Variants in BABAM2 observed in about 807,000 individuals in gnomAD.
BABAM2 encodes BRISC and BRCA1-A complex member 2.
A neutral mutation model predicts 54.7 loss-of-function variants in BABAM2; 31 were observed. The ratio of observed to expected loss-of-function variants is 0.57; its 90% confidence interval spans 0.43 to 0.77. The LOEUF (loss-of-function observed/expected upper bound fraction) is 0.77, where lower values mean the gene tolerates loss of function less well. Ranked by LOEUF, BABAM2 falls within the 30% of genes least tolerant of loss-of-function variation. The pLI is 0.00. For missense variants in BABAM2, 364 were observed against 455.8 expected, an observed-to-expected ratio of 0.80 and a Z score of 1.83; for synonymous variants, 167 against 162.9, an observed-to-expected ratio of 1.03 and a Z score of -0.19.
At chr2:28,075,580 G>A (rs73922210) in intron 6 of BABAM2, among the ~76,000 whole-genome samples, 2,223 of 151,812 alleles carry the variant, frequency 0.015, 29 homozygotes, top group Middle Eastern at 0.034. Flanking sequence ...GTGTGTGTGC[G>A]TGTGTGTGTG....
At chr2:28,200,530 A>G (rs531903978) in intron 7 of BABAM2, among the ~76,000 whole-genome samples, 43 of 152,352 alleles carry the variant, frequency 2.8e-4, no homozygotes, top group Middle Eastern at 3.4e-3. Flanking sequence ...GGTAAAGTGC[A>G]TATTAGTAGG....
chr2:27,968,974 T>C (rs893975908), intron 3 of BABAM2, among the ~76,000 whole-genome samples: 1 of 152,120 alleles, frequency 6.6e-6, no homozygotes, highest in African/African-American at 2.4e-5. Context: ...ATATGGCTTG[T>C]CTGTGTTCCC....
At chr2:28,282,499 G>A (rs1192583093) in intron 10 of BABAM2, among the ~76,000 whole-genome samples, 1 of 152,090 alleles carries the variant, frequency 6.6e-6, no homozygotes, top group Non-Finnish European at 1.5e-5. Flanking sequence ...CACATTTATA[G>A]CACTTGTAGA....
chr2:28,096,648 A>G (rs1183693037), intron 6 of BABAM2, among the ~76,000 whole-genome samples: 1 of 152,132 alleles, frequency 6.6e-6, no homozygotes, highest in African/African-American at 2.4e-5. Context: ...CATTATGTTA[A>G]CATGTCATAG....
chr2:28,305,271 T>C (rs1461041381), intron 11 of BABAM2, among the ~76,000 whole-genome samples: 3 of 152,192 alleles, frequency 2.0e-5, no homozygotes, highest in Admixed American at 2.0e-4. Context: ...ATTCCATAGA[T>C]TGCTTTTTCT....
At chr2:28,013,817 G>A (rs1286546831) in intron 4 of BABAM2, among the ~76,000 whole-genome samples, 2 of 151,502 alleles carry the variant, frequency 1.3e-5, no homozygotes, top group Non-Finnish European at 2.9e-5. Flanking sequence ...GATAAAGGAG[G>A]GGCAGAACCA....
At chr2:28,194,669 C>T (rs1677319898) in intron 7 of BABAM2, among the ~76,000 whole-genome samples, 1 of 150,686 alleles carries the variant, frequency 6.6e-6, no homozygotes, top group South Asian at 2.1e-4. Context: ...GCAACCTCCG[C>T]CTCCTGGGTT....
chr2:28,074,293 A>G (rs1664450021), intron 6 of BABAM2, among the ~76,000 whole-genome samples: 1 of 152,202 alleles, frequency 6.6e-6, no homozygotes, highest in Non-Finnish European at 1.5e-5. Context: ...GCTGGGGGCT[A>G]TCATGTATGT....
At chr2:28,233,327 T>A (rs1573897033) in intron 7 of BABAM2, 1 of 468,664 alleles carries the variant, frequency 2.1e-6, no homozygotes, top group Non-Finnish European at 4.4e-6. Flanking sequence ...CGGGAATGTC[T>A]TGAGTGAGCC....
At chr2:28,051,747 C>A (rs530294655) in intron 6 of BABAM2, among the ~76,000 whole-genome samples, 1 of 152,120 alleles carries the variant, frequency 6.6e-6, no homozygotes, top group South Asian at 2.1e-4. Flanking sequence ...CTCCCAGGTT[C>A]AAGCAATTCC....
At chr2:28,286,233 C>T (rs1021173715) in intron 10 of BABAM2, among the ~76,000 whole-genome samples, 2 of 152,114 alleles carry the variant, frequency 1.3e-5, no homozygotes, top group African/African-American at 2.4e-5. Context: ...GGATTACAGG[C>T]GTGAGCCACC....
chr2:28,100,644 T>A (rs901250344), intron 6 of BABAM2, among the ~76,000 whole-genome samples: 1 of 152,014 alleles, frequency 6.6e-6, no homozygotes, highest in African/African-American at 2.4e-5. Flanking sequence ...CAAATAATAA[T>A]ATCAGGAAGC....
At chr2:28,246,784 G>T (rs181177754) in intron 10 of BABAM2, among the ~76,000 whole-genome samples, 3 of 152,314 alleles carry the variant, frequency 2.0e-5, no homozygotes, top group Admixed American at 2.0e-4. Flanking sequence ...ACTCAAAGAT[G>T]ACTATTCTGG....
chr2:27,904,017 C>T (rs1318758658), intron 2 of BABAM2, among the ~76,000 whole-genome samples: 2 of 152,138 alleles, frequency 1.3e-5, no homozygotes, highest in African/African-American at 4.8e-5. Flanking sequence ...AAGTCAAGCA[C>T]TGCTGTACCA....
chr2:28,276,249 A>G (rs997610866), intron 10 of BABAM2, among the ~76,000 whole-genome samples: 10 of 152,158 alleles, frequency 6.6e-5, no homozygotes, highest in African/African-American at 2.2e-4. Context: ...CCCAGCATCC[A>G]TGCAAAAGAT....
At chr2:28,242,227 A>G (rs972938663) in intron 9 of BABAM2, among the ~76,000 whole-genome samples, 12 of 152,198 alleles carry the variant, frequency 7.9e-5, no homozygotes, top group African/African-American at 2.4e-4. Context: ...AGATCCGGGC[A>G]GGAAATCCAG....
chr2:28,118,874 G>A (rs1404605372), intron 6 of BABAM2, among the ~76,000 whole-genome samples: 1 of 151,976 alleles, frequency 6.6e-6, no homozygotes, highest in Non-Finnish European at 1.5e-5. Context: ...CATTTAAGTT[G>A]TTAATCCATC....
At chr2:28,272,286 G>A (rs1021068143) in intron 10 of BABAM2, among the ~76,000 whole-genome samples, 1 of 152,176 alleles carries the variant, frequency 6.6e-6, no homozygotes, top group East Asian at 1.9e-4. Flanking sequence ...TAAATATCAA[G>A]TTTTTTGTTT....
At chr2:28,023,361 A>G (rs2148558847) in intron 4 of BABAM2, among the ~76,000 whole-genome samples, 1 of 152,308 alleles carries the variant, frequency 6.6e-6, no homozygotes, top group East Asian at 1.9e-4. Context: ...GAAATGAAAT[A>G]TTGTATTTTA....
Sources: gnomAD v4.1 joint callset for allele counts (sites outside exome capture counted in the v4.1 genomes callset) on GRCh38, gnomAD v4.1.1 for gene constraint, MANE v1.5 for transcripts, NCBI Gene and HGNC (gene_info 2026-07-23, HGNC 2026-07-21) for gene names.